The following ZAN variants were observed in gnomAD, a reference collection of about 807,000 sequenced individuals.
ZAN encodes zonadhesin (gene/pseudogene).
ZAN carries 260 observed loss-of-function variants against 286.2 expected under a neutral mutation model. The ratio of observed to expected loss-of-function variants is 0.91; its 90% CI spans 0.82 to 1.01. ZAN has a LOEUF of 1.01. Among genes scored for constraint, ZAN ranks in the 50% least tolerant of loss-of-function variants. ZAN has a pLI of 0.00. For missense variants in ZAN, 3,410 were observed against 3,639.2 expected, an observed-to-expected ratio of 0.94 and a Z score of 1.62; for synonymous variants, 1,368 against 1,417.5, an observed-to-expected ratio of 0.97 and a Z score of 0.79.
chr7:100,753,179 C>T lies in ZAN; in HGVS notation c.3074C>T (p.Pro1025Leu), dbSNP rs559901625. The T allele has an allele frequency of 3.7e-6, 6 of 1,612,024 alleles. No homozygotes were observed. The East Asian group carries it at 8.9e-5, about 24-fold the overall frequency. Residue 1025 changes from proline (P) to leucine (L), a missense_variant, in exon 14 of 48, where the codon CCT (proline) becomes CTT (leucine). By Grantham distance (98) the Pro-to-Leu change is moderately conservative. Coordinates refer to ENST00000613979, the MANE Select transcript of ZAN (RefSeq NM_003386.3). ...ATGTCTCCACATGCTCCAAGTACCC[C>T]TATGACCAGTGTGATTCTGGGCACT... ...LVMSPHAPSTPMTSVILGTTT... is the reference protein window; with the variant it reads ...LVMSPHAPSTLMTSVILGTTT...
In ZAN at chr7:100,766,613, G is replaced by A. The variant is rs1213075344; in HGVS notation, c.4559G>A (p.Arg1520Lys). The change falls in exon 24 of 48, where the codon AGG becomes AAG. Residue 1520 changes from arginine (R) to lysine (K), a missense_variant. Arg to Lys is a conservative substitution (Grantham distance 26). Coordinates refer to ENST00000613979, the MANE Select transcript of ZAN (RefSeq NM_003386.3). ...ATTCGCTGCCAGCCCTGGAGGTGTA[G>A]GGCCCAGGAGTTCTGTGGCCAACAG... ...NRIRCQPWRC[R>K]AQEFCGQQDG... The A allele has an allele frequency of 1.9e-6, 3 of 1,558,770 alleles. No homozygotes were observed. Among genetic ancestry groups the A allele is most frequent in the Non-Finnish European group, 2.6e-6 (3 of 1,151,286 alleles).
chr7:100,736,267 G>T (rs969684268), intron 3 of ZAN, among the ~76,000 whole-genome samples: 1 of 142,348 alleles, frequency 7.0e-6, no homozygotes, highest in African/African-American at 2.6e-5. Context: ...GCAGTGGCGC[G>T]ATCTTGGCTC....
intron 33 of ZAN, among the ~76,000 whole-genome samples, chr7:100,776,119 G>A (rs1377214933): frequency 6.6e-6 from 1 of 151,952 alleles, no homozygotes; most frequent in Non-Finnish European, 1.5e-5. Flanking sequence ...GTCGAGACCA[G>A]CCTGGCCAAC....
At chr7:100,792,998 G>GAAAAAAAAAAAAAAAAAAAAAAAAAAAAA (rs1233962121) in intron 42 of ZAN, among the ~76,000 whole-genome samples, 1 of 95,376 alleles carries the variant, frequency 1.0e-5, no homozygotes, top group Non-Finnish European at 2.4e-5. Context: ...AAAAAAAAAA[G>GAAAAAAAAAAAAAAAAAAAAAAAAAAAAA]AAAGAAAGAA....
At chr7:100,761,404 C>T (rs762916004) in intron 19 of ZAN, among the ~76,000 whole-genome samples, 21 of 152,144 alleles carry the variant, frequency 1.4e-4, no homozygotes, top group Non-Finnish European at 2.5e-4. Context: ...TGCTGGGAGG[C>T]CGAAGCAAGA....
chr7:100,749,407 A>G lies in ZAN; in HGVS notation c.1249+937A>G, dbSNP rs548093690. 5.3e-4 allele frequency among the ~76,000 whole-genome samples: 80 copies of G among 149,676 alleles called. 1 individual carries two copies. The South Asian group carries it at 0.013, about 24-fold the overall frequency. Reference sequence around the variant, plus strand: ...TGTAATCCCAGCACTTTGGGAGGCCAAGGAGGGCGGATCACAAGGTCAGGA... The same window carrying G: ...TGTAATCCCAGCACTTTGGGAGGCCGAGGAGGGCGGATCACAAGGTCAGGA... On this transcript the variant is annotated intron_variant, in intron 11 of 47. Coordinates refer to ENST00000613979, the MANE Select transcript of ZAN (RefSeq NM_003386.3).
chr7:100,739,909 C>G (rs191166035), intron 7 of ZAN, among the ~76,000 whole-genome samples: 1 of 136,694 alleles, frequency 7.3e-6, no homozygotes, highest in Non-Finnish European at 1.6e-5. Context: ...CCGGCCACCT[C>G]GGCCTCCCAA....
intron 35 of ZAN, among the ~76,000 whole-genome samples, chr7:100,782,684 TGTG>T (rs749449865): frequency 2.8e-3 from 215 of 77,620 alleles, no homozygotes; most frequent in Non-Finnish European, 5.5e-3. Flanking sequence ...GTTTTTTTTG[TGTG>T]TGTGTGTGTG....
chr7:100,776,502 T>C lies in ZAN; in HGVS notation c.6255T>C (p.Asp2085=). 6.3e-7 allele frequency: 1 copy of C among 1,590,264 alleles called. No individual in the cohort carries two copies. Among genetic ancestry groups the C allele is most frequent in the African/African-American group, 1.3e-5 (1 of 74,710 alleles). ...AGGACGAACTAATGATGCCCAGCGATGAAGTAGCAAATAGTGACAGTGAAT... is the reference window on the plus strand; with the variant it reads ...AGGACGAACTAATGATGCCCAGCGACGAAGTAGCAAATAGTGACAGTGAAT... ...EEEDELMMPS[D]EVANSDSEFV... The change falls in exon 34 of 48, where the codon GAT becomes GAC. Residue 2085 remains aspartate, a synonymous_variant. Coordinates refer to ENST00000613979, the MANE Select transcript of ZAN (RefSeq NM_003386.3).
intron 26 of ZAN, 113 bp downstream of exon 26, chr7:100,768,124 A>C (rs759616968): frequency 2.2e-5 from 29 of 1,310,344 alleles, no homozygotes; most frequent in Non-Finnish European, 2.9e-5. Flanking sequence ...CAACTGACTA[A>C]TTCGTTGAGG....
chr7:100,750,502 C>T, intron 11 of ZAN, 123 bp from the exon 12 acceptor site: 1 of 1,210,908 alleles, frequency 8.3e-7, no homozygotes, highest in Non-Finnish European at 1.1e-6. Flanking sequence ...AAAAATAATG[C>T]TACGACCTGG....
At chr7:100,766,414 T>G (rs1000890610) in intron 23 of ZAN, 111 bp from the exon 24 acceptor site, 16 of 1,334,224 alleles carry the variant, frequency 1.2e-5, no homozygotes, top group Middle Eastern at 4.4e-4. Flanking sequence ...GTCTCCCCAC[T>G]ATTAAGCCAG....
intron 37 of ZAN, among the ~76,000 whole-genome samples, chr7:100,786,525 C>T (rs1811577234): frequency 2.0e-5 from 3 of 152,212 alleles, no homozygotes; most frequent in African/African-American, 7.2e-5. Flanking sequence ...CCTCACATCT[C>T]AGCCTCCCAA....
At chr7:100,769,745 C>T in intron 27 of ZAN, 135 bp from the exon 28 acceptor site, 1 of 705,118 alleles carries the variant, frequency 1.4e-6, no homozygotes, top group Non-Finnish European at 2.3e-6. Flanking sequence ...TAGGATCTCA[C>T]TATGTTGCCC....
intron 6 of ZAN, 37 bp from the exon 7 acceptor site, chr7:100,738,424 G>T: frequency 6.9e-7 from 1 of 1,442,174 alleles, no homozygotes; most frequent in Non-Finnish European, 9.4e-7. Context: ...TAAAAAAGAA[G>T]AAAACATTAT....
At chr7:100,790,083 A>G (rs57438406) in intron 39 of ZAN, among the ~76,000 whole-genome samples, 10,247 of 151,724 alleles carry the variant, frequency 0.068, 1,085 homozygotes, top group African/African-American at 0.22. Context: ...ACATAGCAAG[A>G]TCCCATCTCT....
Position 100,794,995 on chromosome 7 carries a change from G to A in ZAN, c.8126-201G>A, listed in dbSNP as rs117003376. On this transcript the variant is annotated intron_variant, in intron 44 of 47. Transcript: ENST00000613979. ...GAAGAAAGGAAGAGAGGAAGGAAGA[G>A]ATGAAAGAGTTTCAAAGGAAGGAAG... 3.9e-3 allele frequency among the ~76,000 whole-genome samples: 598 copies of A among 151,952 alleles called. 1 individual carries two copies. Among genetic ancestry groups the A allele is most frequent in the Middle Eastern group, 0.01 (3 of 294 alleles).
At position 100,773,879 on chromosome 7, in the gene ZAN, G is replaced by A. The variant is rs748792133; in HGVS notation, c.5779+14G>A. 1.9e-5 allele frequency: 31 copies of A among 1,592,138 alleles called. No homozygotes were observed. The highest frequency in any genetic ancestry group is 2.5e-5 in the Non-Finnish European group (29 of 1,168,758). ...GTCGGGCCTCAGGTAGGAGGACCAC[G>A]GTGATGGGGGGACTCCACAGCCCTG... On this transcript the variant is annotated intron_variant, in intron 31 of 47. Coordinates refer to ENST00000613979, the MANE Select transcript of ZAN (RefSeq NM_003386.3).
intron 11 of ZAN, among the ~76,000 whole-genome samples, chr7:100,749,379 A>G (rs192961199): frequency 0.025 from 3,677 of 148,304 alleles, 81 homozygotes; most frequent in Middle Eastern, 0.092. Context: ...AGTGGCTCAC[A>G]CCTGTAATCC....
Sources: gnomAD v4.1 joint callset for allele counts (sites outside exome capture counted in the v4.1 genomes callset) on GRCh38, gnomAD v4.1.1 for gene constraint, MANE v1.5 for transcripts, NCBI Gene and HGNC (gene_info 2026-07-23, HGNC 2026-07-21) for gene names.